TLR4: variants seen among roughly 807,000 people sequenced by gnomAD.
TLR4 encodes toll-like receptor 4.
A neutral mutation model predicts 27.4 loss-of-function variants in TLR4; 17 were observed. That is an observed-to-expected ratio of 0.62 (90% CI 0.42 to 0.93). TLR4 has a LOEUF of 0.93. TLR4 is among the 40% of genes least tolerant of loss of function. The pLI is 0.00. For synonymous variants in TLR4, 363 were observed against 365.7 expected (o/e 0.99, Z 0.08); for missense variants, 926 against 962.3 (o/e 0.96, Z 0.50).
rs1444235993 is a variant in TLR4 at position 117,717,062 on chromosome 9, A to G, written c.*2414A>G. On this transcript the variant is annotated 3_prime_UTR_variant, in exon 3 of 3. Transcript: ENST00000355622. The stretch of plus-strand genomic sequence containing the variant: ...TGTACTAGTGAAAGTAGATGTGTGC[A>G]TTTGTGCACATATCCCTATGTATCC... The G allele has an allele frequency of 6.6e-6, 1 of 152,094 alleles. No individual in the cohort carries two copies. The highest frequency in any genetic ancestry group is 1.5e-5 in the Non-Finnish European group (1 of 68,018). 9.4% of individuals were successfully genotyped at this position (152,094 alleles called of 1,614,324 possible).
chr9:117,713,279 G>T lies in TLR4; in HGVS notation c.1151G>T (p.Gly384Val). The change falls in exon 3 of 3, where the codon GGC becomes GTC. Residue 384 changes from glycine (G) to valine (V), a missense_variant. By Grantham distance (109) the Gly-to-Val change is moderately radical. Transcript: ENST00000355622. ...SLEFLDLSRN[G>V]LSFKGCCSQS... ...GAGTTTCTAGATCTCAGTAGAAATGGCTTGAGTTTCAAAGGTTGCTGTTCT... is the reference window on the plus strand; with the variant it reads ...GAGTTTCTAGATCTCAGTAGAAATGTCTTGAGTTTCAAAGGTTGCTGTTCT... 1 of 1,613,932 alleles carries T rather than the reference G, an allele frequency of 6.2e-7. No individual in the cohort carries two copies. Among genetic ancestry groups the T allele is most frequent in the Non-Finnish European group, 8.5e-7 (1 of 1,179,982 alleles).
At position 117,714,394 on chromosome 9, in the gene TLR4, A is replaced by C. The variant is rs1256844267; in HGVS notation, c.2266A>C (p.Thr756Pro). The C allele has an allele frequency of 1.2e-6, 2 of 1,611,108 alleles. No individual in the cohort carries two copies. Among genetic ancestry groups the C allele is most frequent in the South Asian group, 2.2e-5 (2 of 91,050 alleles). ...TATCTTTGAATATGAGATTGCTCAG[A>C]CCTGGCAGTTTCTGAGCAGTCGTGC... ...WCIFEYEIAQ[T>P]WQFLSSRAGI... The change falls in exon 3 of 3, where the codon ACC becomes CCC. Residue 756 changes from threonine (T) to proline (P), a missense_variant. Thr to Pro is a conservative substitution (Grantham distance 38, BLOSUM62 -1). Coordinates refer to ENST00000355622, the MANE Select transcript of TLR4 (RefSeq NM_138554.5).
In TLR4 at chr9:117,716,355, A is replaced by T. The variant is rs1038592729; in HGVS notation, c.*1707A>T. 1 of 152,232 alleles carries T rather than the reference A, an allele frequency of 6.6e-6. No individual in the cohort carries two copies. Among genetic ancestry groups the T allele is most frequent in the East Asian group, 1.9e-4 (1 of 5,196 alleles). The allele number at this position is 152,232 out of a possible 1,614,324, so 9.4% of individuals were successfully genotyped here. On this transcript the variant is annotated 3_prime_UTR_variant, in exon 3 of 3. Transcript: ENST00000355622. ...ATAAATGGACAAAGAAAATGTGCAT[A>T]TACGTACAATGGGATATTATTCAGC...
chr9:117,712,250 CT>C lies in TLR4; in HGVS notation c.261-138del, dbSNP rs5030644. ...TTTGCTTATTCCATCATCATCTGTC[CT>C]GCTTGATGTCTTTGCCTATGCACAA... is the stretch of plus-strand genomic sequence containing the variant. On this transcript the variant is annotated intron_variant, in intron 2 of 2. Transcript: ENST00000355622. 8,971 of 834,486 alleles carry C rather than the reference CT, an allele frequency of 0.011. 523 individuals are homozygous for C. In the African/African-American group the frequency reaches 0.13, roughly 12 times the overall value. The allele number at this position is 834,486 out of a possible 1,614,324, so 51.7% of individuals were successfully genotyped here.
chr9:117,713,001 A>T lies in TLR4; in HGVS notation c.873A>T (p.Ala291=). 2 of 1,614,132 alleles carry T rather than the reference A, an allele frequency of 1.2e-6. No individual in the cohort carries two copies. The highest frequency in any genetic ancestry group is 1.1e-5 in the South Asian group (1 of 91,084). ...CNLTIEEFRL[A]YLDYYLDDII... ...TGACCATTGAAGAATTCCGATTAGC[A>T]TACTTAGACTACTACCTCGATGATA... The change falls in exon 3 of 3, where the codon GCA becomes GCT. Residue 291 remains alanine, a synonymous_variant. Coordinates refer to ENST00000355622, the MANE Select transcript of TLR4 (RefSeq NM_138554.5).
rs764148809 is a variant in TLR4, at chr9:117,713,483, T to G, written c.1355T>G (p.Leu452Arg). Residue 452 changes from leucine to arginine, a missense_variant, in exon 3 of 3, where the codon CTT becomes CGT. Coordinates refer to ENST00000355622, the MANE Select transcript of TLR4 (RefSeq NM_138554.5). The stretch of plus-strand genomic sequence containing the variant: ...CTATCACTCAGAAACCTCATTTACC[T>G]TGACATTTCTCATACTCACACCAGA... ...VFLSLRNLIY[L>R]DISHTHTRVA... The G allele has an allele frequency of 1.2e-6, 2 of 1,614,136 alleles. No homozygotes were observed. The highest frequency in any genetic ancestry group is 1.7e-6 in the Non-Finnish European group (2 of 1,180,026).
intron 1 of TLR4, among the ~76,000 whole-genome samples, chr9:117,705,269 A>G (rs1829118296): frequency 6.6e-6 from 1 of 152,186 alleles, no homozygotes; most frequent in Non-Finnish European, 1.5e-5. Context: ...CGCAGACTTC[A>G]CAGTTGCTTT....
chr9:117,711,262 G>A (rs958278861), intron 2 of TLR4, among the ~76,000 whole-genome samples: 13 of 152,092 alleles, frequency 8.5e-5, no homozygotes, highest in African/African-American at 3.1e-4. Flanking sequence ...GGAAACTCCT[G>A]AAGAAGCTAA....
intron 1 of TLR4, among the ~76,000 whole-genome samples, chr9:117,705,264 A>C (rs1213348818): frequency 6.6e-6 from 1 of 152,158 alleles, no homozygotes; most frequent in Non-Finnish European, 1.5e-5. Flanking sequence ...CCCTGCGCAG[A>C]CTTCACAGTT....
Position 117,714,740 on chromosome 9 carries a change from G to A in TLR4, c.*92G>A, listed in dbSNP as rs1434364354. The A allele has an allele frequency of 9.0e-7, 1 of 1,113,788 alleles. No individual in the cohort carries two copies. Among genetic ancestry groups the A allele is most frequent in the East Asian group, 2.5e-5 (1 of 40,674 alleles). The allele number at this position is 1,113,788 out of a possible 1,614,324, so 69.0% of individuals were successfully genotyped here. ...AAGTATTAAATGCTGCCACATGTCA[G>A]GCCTTATGCTAAGGGTGAGTAATTC... On this transcript the variant is annotated 3_prime_UTR_variant, in exon 3 of 3. Coordinates refer to ENST00000355622, the MANE Select transcript of TLR4 (RefSeq NM_138554.5).
Position 117,717,429 on chromosome 9 carries a change from TATA to T in TLR4, c.*2788_*2790del, listed in dbSNP as rs1402415292. ...ATAACTAACAATAAAATTGAATAGT[TATA>T]ATAATATATTGTAATAAAAGTTATG... On this transcript the variant is annotated 3_prime_UTR_variant, in exon 3 of 3. Coordinates refer to ENST00000355622, the MANE Select transcript of TLR4 (RefSeq NM_138554.5). 1.1e-4 allele frequency: 17 copies of T among 152,282 alleles called. No individual in the cohort carries two copies. Among genetic ancestry groups the T allele is most frequent in the African/African-American group, 3.8e-4 (16 of 41,560 alleles). The allele number at this position is 152,282 out of a possible 1,614,324, so 9.4% of individuals were successfully genotyped here. A position where few individuals can be genotyped will look rare whatever the true frequency, so the allele number is the denominator to read the frequency against.
At chr9:117,706,046 ATATT>A (rs1829130573) in intron 1 of TLR4, among the ~76,000 whole-genome samples, 1 of 152,104 alleles carries the variant, frequency 6.6e-6, no homozygotes, top group South Asian at 2.1e-4. Flanking sequence ...ATTTTAATAT[ATATT>A]TACCTATTAT....
At chr9:117,712,327 T>A in intron 2 of TLR4, 62 bp from the exon 3 acceptor site, 1 of 1,493,168 alleles carries the variant, frequency 6.7e-7, no homozygotes, top group South Asian at 1.2e-5. Flanking sequence ...AGGATTAATA[T>A]TCTATTTTAG....
chr9:117,713,034 C>T lies in TLR4; in HGVS notation c.906C>T (p.Asp302=). ...ACTACTACCTCGATGATATTATTGA[C>T]TTATTTAATTGTTTGACAAATGTTT... is the stretch of plus-strand genomic sequence containing the variant. The part of the protein sequence containing the change: ...YLDYYLDDII[D]LFNCLTNVSS... The change falls in exon 3 of 3, where the codon GAC becomes GAT. Residue 302 remains aspartate (D), a synonymous_variant. Transcript: ENST00000355622. 6.2e-7 allele frequency: 1 copy of T among 1,614,052 alleles called. No individual in the cohort carries two copies. The highest frequency in any genetic ancestry group is 8.5e-7 in the Non-Finnish European group (1 of 1,179,970).
chr9:117,705,743 A>G (rs1301325795), intron 1 of TLR4, among the ~76,000 whole-genome samples: 1 of 152,048 alleles, frequency 6.6e-6, no homozygotes, highest in Non-Finnish European at 1.5e-5. Flanking sequence ...CTTGTTTGTT[A>G]TGTACTTGCA....
chr9:117,706,139 C>T (rs1274528204), intron 1 of TLR4, among the ~76,000 whole-genome samples: 1 of 152,114 alleles, frequency 6.6e-6, no homozygotes, highest in African/African-American at 2.4e-5. Flanking sequence ...TCTCAATTTA[C>T]ACTATTCACA....
In TLR4 at chr9:117,713,606, C is replaced by T. The variant is rs144562288; in HGVS notation, c.1478C>T (p.Thr493Ile). Residue 493 changes from threonine to isoleucine, a missense_variant, in exon 3 of 3, where the codon ACA (threonine) becomes ATA (isoleucine). By Grantham distance (89) the Thr-to-Ile change is moderately conservative. Coordinates refer to ENST00000355622, the MANE Select transcript of TLR4 (RefSeq NM_138554.5). The stretch of plus-strand genomic sequence containing the variant: ...GAAAACTTCCTTCCAGATATCTTCA[C>T]AGAGCTGAGAAACTTGACCTTCCTG... The part of the protein sequence containing the change: ...FQENFLPDIF[T>I]ELRNLTFLDL... 3.7e-6 allele frequency: 6 copies of T among 1,613,996 alleles called. No homozygotes were observed. Among genetic ancestry groups the T allele is most frequent in the African/African-American group, 1.3e-5 (1 of 74,924 alleles).
rs929867221 is a variant in TLR4 at position 117,720,956 on chromosome 9, C to T, written c.*6308C>T. The T allele has an allele frequency of 2.0e-5, 3 of 152,136 alleles. No individual in the cohort carries two copies. The highest frequency in any genetic ancestry group is 6.5e-5 in the Admixed American group (1 of 15,282). 9.4% of individuals were successfully genotyped at this position (152,136 alleles called of 1,614,324 possible). A position where few individuals can be genotyped will look rare whatever the true frequency, so the allele number is the denominator to read the frequency against. On this transcript the variant is annotated 3_prime_UTR_variant, in exon 3 of 3. Transcript: ENST00000355622. Reference sequence around the variant, plus strand: ...AAACACTCTTTCTATTTGTGGGATTCCCTAGGAGACACTATATAAAAATAT... The same window carrying T: ...AAACACTCTTTCTATTTGTGGGATTTCCTAGGAGACACTATATAAAAATAT...
rs1196230123 is a variant in TLR4 at position 117,712,371 on chromosome 9, G to T, written c.261-18G>T. ...TCAGCAGAAATATTAGATAATCAAT[G>T]TCTTTTTATTCCTGTAGGTGTGAAA... On this transcript the variant is annotated intron_variant, in intron 2 of 2. Transcript: ENST00000355622. 2 of 1,605,248 alleles carry T rather than the reference G, an allele frequency of 1.2e-6. No individual in the cohort carries two copies. The highest frequency in any genetic ancestry group is 1.1e-5 in the South Asian group (1 of 90,826).
Sources: allele counts gnomAD v4.1 joint callset (sites outside exome capture counted in the v4.1 genomes callset), GRCh38; gene constraint gnomAD v4.1.1; transcripts MANE v1.5; gene names NCBI Gene and HGNC (gene_info 2026-07-23, HGNC 2026-07-21).